SPATA17: variants seen among roughly 807,000 people sequenced by gnomAD.
SPATA17 encodes the protein spermatogenesis-associated protein 17.
A neutral mutation model predicts 62.2 loss-of-function variants in SPATA17; 53 were observed. That is an observed-to-expected ratio of 0.85 (90% CI 0.68 to 1.07). SPATA17 has a LOEUF of 1.07. SPATA17 is among the 50% of genes least tolerant of loss of function. The pLI is 0.00. For synonymous variants in SPATA17, 146 were observed against 146.8 expected (o/e 0.99, Z 0.04); for missense variants, 466 against 425.5 (o/e 1.10, Z -0.84).
chr1:217,825,166 A>G (rs868087308), intron 9 of SPATA17, among the ~76,000 whole-genome samples: 5 of 151,768 alleles, frequency 3.3e-5, no homozygotes, highest in African/African-American at 7.2e-5. Flanking sequence ...AAGTATAGAG[A>G]AAAGCAAAGA....
Position 217,799,911 on chromosome 1 carries a change from T to G in SPATA17, c.873-1807T>G, listed in dbSNP as rs533661153. Among the ~76,000 whole-genome samples the G allele has an allele frequency of 3.3e-5, 5 of 152,190 alleles. No individual in the cohort carries two copies. The South Asian group carries it at 1.0e-3, about 32-fold the overall frequency. On this transcript the variant is annotated intron_variant, in intron 8 of 10. Coordinates refer to ENST00000366933, the MANE Select transcript of SPATA17 (RefSeq NM_138796.4). Reference sequence around the variant, plus strand: ...TCAGAATATTTTTCTCAGGAGAATATTTTATTTTGCTATTTATAGTTTTTA... The same window carrying G: ...TCAGAATATTTTTCTCAGGAGAATAGTTTATTTTGCTATTTATAGTTTTTA...
At chr1:217,751,369 A>T (rs971331632) in intron 6 of SPATA17, among the ~76,000 whole-genome samples, 1 of 152,188 alleles carries the variant, frequency 6.6e-6, no homozygotes, top group Non-Finnish European at 1.5e-5. Context: ...TTTCAAGATT[A>T]CATAGAGATC....
At chr1:217,709,030 CATACT>C (rs1671799664) in intron 5 of SPATA17, among the ~76,000 whole-genome samples, 1 of 152,028 alleles carries the variant, frequency 6.6e-6, no homozygotes, top group Admixed American at 6.6e-5. Context: ...ATTGAAGGAA[CATACT>C]TCAAAATAAG....
At chr1:217,684,515 A>G (rs1296703357) in intron 5 of SPATA17, among the ~76,000 whole-genome samples, 2 of 152,044 alleles carry the variant, frequency 1.3e-5, no homozygotes, top group African/African-American at 2.4e-5. Flanking sequence ...CTGGGGTTCA[A>G]GTGATTCTTG....
At chr1:217,678,816 A>T (rs1354202306) in intron 4 of SPATA17, among the ~76,000 whole-genome samples, 3 of 152,188 alleles carry the variant, frequency 2.0e-5, no homozygotes, top group African/African-American at 7.2e-5. Flanking sequence ...GACTTTGTTT[A>T]AAATTATCTA....
At chr1:217,759,649 GT>G (rs2102961962) in intron 6 of SPATA17, among the ~76,000 whole-genome samples, 1 of 152,296 alleles carries the variant, frequency 6.6e-6, no homozygotes, top group African/African-American at 2.4e-5. Context: ...TTATTGAAAA[GT>G]TTGAGGCAGA....
chr1:217,829,768 G>A (rs925300118), intron 9 of SPATA17, among the ~76,000 whole-genome samples: 4 of 151,676 alleles, frequency 2.6e-5, no homozygotes, highest in African/African-American at 7.3e-5. Flanking sequence ...TTGGGGTGGC[G>A]AGAGAAATAT....
At chr1:217,716,645 A>G (rs187544436) in intron 5 of SPATA17, among the ~76,000 whole-genome samples, 2 of 152,366 alleles carry the variant, frequency 1.3e-5, no homozygotes, top group East Asian at 1.9e-4. Flanking sequence ...TTAATTACAG[A>G]CATTAAACAT....
At chr1:217,800,622 A>C (rs1674287292) in intron 8 of SPATA17, among the ~76,000 whole-genome samples, 1 of 152,162 alleles carries the variant, frequency 6.6e-6, no homozygotes. Flanking sequence ...CACTTTCTGC[A>C]ATAACTGTAG....
At chr1:217,780,217 A>G (rs993583495) in intron 7 of SPATA17, among the ~76,000 whole-genome samples, 2 of 152,186 alleles carry the variant, frequency 1.3e-5, no homozygotes, top group African/African-American at 4.8e-5. Context: ...GTTTTTCAAA[A>G]GAAATATAAA....
chr1:217,738,737 A>C (rs1048296153), intron 5 of SPATA17, among the ~76,000 whole-genome samples: 1 of 152,212 alleles, frequency 6.6e-6, no homozygotes, highest in Non-Finnish European at 1.5e-5. Flanking sequence ...GGATTACCTG[A>C]GGTCAGGAGT....
chr1:217,786,176 C>T (rs953707983), intron 8 of SPATA17, among the ~76,000 whole-genome samples: 3 of 152,130 alleles, frequency 2.0e-5, no homozygotes, highest in Non-Finnish European at 4.4e-5. Flanking sequence ...CCTCTACTCT[C>T]GTGAAACTTA....
chr1:217,655,311 T>C (rs1247903241), intron 3 of SPATA17, among the ~76,000 whole-genome samples: 2 of 152,188 alleles, frequency 1.3e-5, no homozygotes, highest in African/African-American at 4.8e-5. Flanking sequence ...TGCTAGTGTT[T>C]CTTCAGTGTT....
At chr1:217,857,012 G>A (rs983634543) in intron 9 of SPATA17, among the ~76,000 whole-genome samples, 4 of 152,126 alleles carry the variant, frequency 2.6e-5, no homozygotes, top group Admixed American at 1.3e-4. Context: ...TTCTTGCCAT[G>A]CTCCTTTTTT....
chr1:217,633,353 A>G (rs1669863717), intron 1 of SPATA17, among the ~76,000 whole-genome samples: 1 of 152,138 alleles, frequency 6.6e-6, no homozygotes, highest in Non-Finnish European at 1.5e-5. Flanking sequence ...TGGTTATCAC[A>G]ATGTTATAAG....
intron 5 of SPATA17, among the ~76,000 whole-genome samples, chr1:217,730,278 C>T (rs561648343): frequency 1.3e-5 from 2 of 150,374 alleles, no homozygotes; most frequent in East Asian, 2.0e-4. Context: ...AGTGCAATGG[C>T]GTGATCTCGG....
Position 217,631,419 on chromosome 1 carries a change from T to C in SPATA17, c.41T>C (p.Val14Ala), listed in dbSNP as rs143300149. The change falls in exon 1 of 11, where the codon GTA (valine) becomes GCA (alanine). Residue 14 changes from valine to alanine, a missense_variant. By Grantham distance (64) the Val-to-Ala change is moderately conservative (BLOSUM62 0). Transcript: ENST00000366933. Reference protein sequence around the residue: ...LARLQARSSTVGNQYYFRNSV... With the variant: ...LARLQARSSTAGNQYYFRNSV... ...CGGCTGCAAGCTAGGTCGTCGACTG[T>C]AGGAAATCAGTACTACTTTAGGAAC... The C allele has an allele frequency of 5.7e-5, 92 of 1,614,070 alleles. No homozygotes were observed. In the African/African-American group the frequency reaches 1.1e-3, roughly 20 times the overall value.
intron 6 of SPATA17, among the ~76,000 whole-genome samples, chr1:217,770,989 T>TTTTTTTGCC (rs1673429073): frequency 8.2e-6 from 1 of 122,518 alleles, no homozygotes; most frequent in Non-Finnish European, 1.7e-5. Context: ...TTTTTTTTTT[T>TTTTTTTGCC]TTTTTTTTTT....
At chr1:217,741,313 C>T (rs1202592139) in intron 5 of SPATA17, among the ~76,000 whole-genome samples, 1 of 151,970 alleles carries the variant, frequency 6.6e-6, no homozygotes, top group Non-Finnish European at 1.5e-5. Context: ...TTCTTAGATA[C>T]ACATAAATAA....
Sources: gnomAD v4.1 joint callset for allele counts (sites outside exome capture counted in the v4.1 genomes callset) on GRCh38, gnomAD v4.1.1 for gene constraint, MANE v1.5 for transcripts, NCBI Gene and HGNC (gene_info 2026-07-23, HGNC 2026-07-21) for gene names.